The following SIPA1L1 variants were observed in gnomAD, a reference collection of about 807,000 sequenced individuals.
The protein encoded by SIPA1L1 is signal induced proliferation associated 1 like 1, also known as signal-induced proliferation-associated 1-like protein 1.
SIPA1L1 carries 26 observed loss-of-function variants against 162.7 expected under a neutral mutation model. That is an observed-to-expected ratio of 0.16 (90% CI 0.12 to 0.22). The LOEUF (loss-of-function observed/expected upper bound fraction) is 0.22, where lower values mean the gene tolerates loss of function less well. Among genes scored for constraint, SIPA1L1 ranks in the 10% least tolerant of loss-of-function variants. SIPA1L1 has a pLI of 1.00. For synonymous variants in SIPA1L1, 829 were observed against 837.4 expected, an observed-to-expected ratio of 0.99 and a Z score of 0.17; for missense variants, 1,874 against 2,241.0, an observed-to-expected ratio of 0.84 and a Z score of 3.31.
At chr14:71,471,299 T>G (rs1278510699) in intron 2 of SIPA1L1, among the ~76,000 whole-genome samples, 1 of 152,110 alleles carries the variant, frequency 6.6e-6, no homozygotes, top group East Asian at 1.9e-4. Context: ...TGAAACTCCA[T>G]CTCTACTAAG....
intron 4 of SIPA1L1, among the ~76,000 whole-genome samples, chr14:71,543,742 T>G (rs1380362447): frequency 6.6e-6 from 1 of 150,894 alleles, no homozygotes; most frequent in Admixed American, 6.6e-5. Flanking sequence ...GTCTTGACTG[T>G]TTTTCTAAAT....
intron 2 of SIPA1L1, among the ~76,000 whole-genome samples, chr14:71,427,048 C>G (rs1006483004): frequency 1.3e-5 from 2 of 152,066 alleles, no homozygotes; most frequent in Non-Finnish European, 2.9e-5. Context: ...ACAGAGCAAA[C>G]AAAAAATGCA....
At chr14:71,539,507 G>A (rs1378058204) in intron 4 of SIPA1L1, among the ~76,000 whole-genome samples, 1 of 152,158 alleles carries the variant, frequency 6.6e-6, no homozygotes, top group African/African-American at 2.4e-5. Flanking sequence ...TTTAGAAGTT[G>A]AAGAATCACT....
chr14:71,661,885 TCACGTTAG>T (rs1207981881), intron 10 of SIPA1L1, among the ~76,000 whole-genome samples: 3 of 152,254 alleles, frequency 2.0e-5, no homozygotes, highest in Non-Finnish European at 4.4e-5. Context: ...CTTACTTGAT[TCACGTTAG>T]CACTCTGACT....
intron 12 of SIPA1L1, among the ~76,000 whole-genome samples, chr14:71,680,529 G>A (rs2045698727): frequency 6.6e-6 from 1 of 152,036 alleles, no homozygotes; most frequent in Non-Finnish European, 1.5e-5. Context: ...AACTAGAGAA[G>A]CAAGAGCAAA....
At chr14:71,680,460 T>A (rs2045690494) in intron 12 of SIPA1L1, among the ~76,000 whole-genome samples, 1 of 152,116 alleles carries the variant, frequency 6.6e-6, no homozygotes, top group Non-Finnish European at 1.5e-5. Flanking sequence ...ACTAAATAAA[T>A]GCCCACAAGA....
chr14:71,590,548 CAT>C (rs1218035055), intron 5 of SIPA1L1, among the ~76,000 whole-genome samples: 1 of 152,148 alleles, frequency 6.6e-6, no homozygotes, highest in Non-Finnish European at 1.5e-5. Context: ...AATATTACTA[CAT>C]GATAGGTCCC....
At chr14:71,328,242 C>A (rs753316078) in intron 2 of SIPA1L1, among the ~76,000 whole-genome samples, 3 of 152,148 alleles carry the variant, frequency 2.0e-5, no homozygotes, top group East Asian at 3.8e-4. Flanking sequence ...ATTAAAAGTT[C>A]AGGAACCTCA....
At chr14:71,458,305 CTA>C (rs2141801259) in intron 2 of SIPA1L1, among the ~76,000 whole-genome samples, 1 of 152,222 alleles carries the variant, frequency 6.6e-6, no homozygotes, top group South Asian at 2.1e-4. Flanking sequence ...TTTTGGCACT[CTA>C]GACATTGTAT....
rs12881643 is a variant in SIPA1L1, at chr14:71,377,784, G to A, written c.-465+56603G>A. Among the ~76,000 whole-genome samples the A allele has an allele frequency of 6.6e-6, 1 of 152,134 alleles. No individual in the cohort carries two copies. Among genetic ancestry groups the A allele is most frequent in the Non-Finnish European group, 1.5e-5 (1 of 68,018 alleles). Reference sequence around the variant, plus strand: ...GAGTTCAGGAGCTGGAGACCAGTCCGGCCAACACGGCGAAACCCCGTCTCC... The same window carrying A: ...GAGTTCAGGAGCTGGAGACCAGTCCAGCCAACACGGCGAAACCCCGTCTCC... On this transcript the variant is annotated intron_variant, in intron 2 of 23. Transcript: ENST00000381232. The surrounding 1 kb of genome is among the most constrained non-coding windows in gnomAD (Gnocchi z 4.8).
intron 4 of SIPA1L1, among the ~76,000 whole-genome samples, chr14:71,543,910 A>G (rs550443085): frequency 1.3e-5 from 2 of 149,380 alleles, no homozygotes; most frequent in East Asian, 2.0e-4. Context: ...ATGTGTGTAT[A>G]TATACATATA....
At chr14:71,544,176 CGT>C (rs529136715) in intron 4 of SIPA1L1, among the ~76,000 whole-genome samples, 234 of 150,040 alleles carry the variant, frequency 1.6e-3, no homozygotes, top group African/African-American at 4.2e-3. Flanking sequence ...CATATATGCA[CGT>C]GTGTGTATAT....
chr14:71,421,259 T>C (rs575262638), intron 2 of SIPA1L1, among the ~76,000 whole-genome samples: 5 of 152,330 alleles, frequency 3.3e-5, no homozygotes, highest in Middle Eastern at 3.4e-3. Context: ...TCTTATGGAA[T>C]AATAGTAACT....
chr14:71,445,609 C>G (rs2045284798), intron 2 of SIPA1L1, among the ~76,000 whole-genome samples: 2 of 152,206 alleles, frequency 1.3e-5, no homozygotes, highest in South Asian at 4.2e-4. Flanking sequence ...TGGAGTCATG[C>G]ATTTGATATT....
intron 2 of SIPA1L1, among the ~76,000 whole-genome samples, chr14:71,336,000 C>A (rs2035052360): frequency 6.6e-6 from 1 of 152,122 alleles, no homozygotes; most frequent in Non-Finnish European, 1.5e-5. Context: ...ATGTTTAAAT[C>A]TGTATCTTTT....
intron 7 of SIPA1L1, among the ~76,000 whole-genome samples, chr14:71,640,719 A>G (rs2041625806): frequency 6.6e-6 from 1 of 152,090 alleles, no homozygotes; most frequent in African/African-American, 2.4e-5. Flanking sequence ...CCGCCTCCTG[A>G]GTTTAAGTGA....
At chr14:71,678,905 G>A (rs925233305) in intron 12 of SIPA1L1, among the ~76,000 whole-genome samples, 3 of 151,986 alleles carry the variant, frequency 2.0e-5, no homozygotes, top group Non-Finnish European at 4.4e-5. Context: ...AAAAAAAAAT[G>A]AACAAAGCCT....
At chr14:71,462,930 G>T (rs986353707) in intron 2 of SIPA1L1, among the ~76,000 whole-genome samples, 1 of 152,184 alleles carries the variant, frequency 6.6e-6, no homozygotes, top group African/African-American at 2.4e-5. Context: ...GGAGAAAAAG[G>T]CATTTGCCAC....
intron 2 of SIPA1L1, among the ~76,000 whole-genome samples, chr14:71,357,622 C>G (rs370002990): frequency 1.3e-5 from 2 of 152,054 alleles, no homozygotes; most frequent in African/African-American, 4.8e-5. Context: ...AGCGCAGTGG[C>G]ATGATCTCCG....
Sources: gnomAD v4.1 joint callset for allele counts (sites outside exome capture counted in the v4.1 genomes callset) on GRCh38, gnomAD v4.1.1 for gene constraint, Gnocchi (gnomAD v3.1) non-coding constraint, MANE v1.5 for transcripts, NCBI Gene and HGNC (gene_info 2026-07-23, HGNC 2026-07-21) for gene names.